ZFP2: variants seen among roughly 807,000 people sequenced by gnomAD.
ZFP2 encodes zinc finger protein ZFP2.
ZFP2 carries 33 observed loss-of-function variants against 36.1 expected under a neutral mutation model. The ratio of observed to expected loss-of-function variants is 0.92; its 90% CI spans 0.69 to 1.22. The LOEUF is 1.22. ZFP2 is among the 50% of genes most tolerant of loss of function. The probability of loss-of-function intolerance (pLI) is 0.00; values close to 1 mark genes in which losing one functional copy is unlikely to be tolerated. For synonymous variants in ZFP2, 170 were observed against 178.0 expected (o/e 0.96, Z 0.36); for missense variants, 522 against 551.4 (o/e 0.95, Z 0.53).
At chr5:178,913,858 CTTTTTTTT>C (rs1217671563) in intron 3 of ZFP2, 2 of 129,748 alleles carry the variant, frequency 1.5e-5, no homozygotes, top group African/African-American at 2.8e-5. Context: ...CTTTTTTTTT[CTTTTTTTT>C]TTTTTTTTGA....
Position 178,932,375 on chromosome 5 carries a change from T to G in ZFP2, c.1062T>G (p.Tyr354Ter), listed in dbSNP as rs765269639. ...GAATTCACACTGGAGAGAAACCTTA[T>G]GAGTGTATGGTGTGTGGAAAACATT... ...HRRIHTGEKPYECMVCGKHFT... is the reference protein window; with the variant it reads ...HRRIHTGEKP Residue 354 changes from tyrosine to a stop codon, truncating the protein, a stop_gained, in exon 5 of 5, where the codon TAT becomes TAG. Transcript: ENST00000361362. LOFTEE classifies it high-confidence loss of function. The G allele has an allele frequency of 1.2e-5, 19 of 1,614,038 alleles. No homozygotes were observed. Among genetic ancestry groups the G allele is most frequent in the Non-Finnish European group, 1.6e-5 (19 of 1,179,916 alleles).
At chr5:178,909,495 CT>C in intron 1 of ZFP2, among the ~76,000 whole-genome samples, 1 of 152,296 alleles carries the variant, frequency 6.6e-6, no homozygotes, top group Non-Finnish European at 1.5e-5. Flanking sequence ...CATTGGCCCC[CT>C]GGTCCCACTT....
intron 4 of ZFP2, among the ~76,000 whole-genome samples, chr5:178,917,049 T>G (rs1758446742): frequency 1.3e-5 from 2 of 152,226 alleles, no homozygotes; most frequent in Non-Finnish European, 2.9e-5. Flanking sequence ...TGCCAGTATT[T>G]TCATTGTAAA....
At chr5:178,918,687 C>T (rs1031790029) in intron 4 of ZFP2, among the ~76,000 whole-genome samples, 1 of 152,142 alleles carries the variant, frequency 6.6e-6, no homozygotes, top group Non-Finnish European at 1.5e-5. Flanking sequence ...AGTATTATTA[C>T]TCAAAAGTCT....
chr5:178,922,144 A>G, intron 4 of ZFP2: 1 of 1,156,974 alleles, frequency 8.6e-7, no homozygotes, highest in Non-Finnish European at 1.3e-6. Context: ...TCTTCATTCC[A>G]TCACTCTTCT....
chr5:178,905,760 C>CT (rs1408410078), intron 1 of ZFP2, among the ~76,000 whole-genome samples: 1 of 143,154 alleles, frequency 7.0e-6, no homozygotes, highest in Non-Finnish European at 1.5e-5. Context: ...TTTCTTTTTT[C>CT]TTTTTTTTGG....
In ZFP2 at chr5:178,918,072, A is replaced by G. The variant is rs1002538877; in HGVS notation, c.-78+1362A>G. Reference sequence around the variant, plus strand: ...TTTTCTCTCACCCATCATGTTCCCTATATCCATTTAAATGCTTTTATTGTT... The same window carrying G: ...TTTTCTCTCACCCATCATGTTCCCTGTATCCATTTAAATGCTTTTATTGTT... On this transcript the variant is annotated intron_variant, in intron 4 of 4. Transcript: ENST00000361362. Among the ~76,000 whole-genome samples the G allele has an allele frequency of 2.0e-5, 3 of 152,094 alleles. No homozygotes were observed. In the South Asian group the frequency reaches 6.2e-4, roughly 32 times the overall value.
At chr5:178,911,777 C>G (rs1239128920) in intron 1 of ZFP2, among the ~76,000 whole-genome samples, 1 of 152,112 alleles carries the variant, frequency 6.6e-6, no homozygotes, top group African/African-American at 2.4e-5. Flanking sequence ...TTTTCTATTG[C>G]TTTATTTCTA....
At chr5:178,917,616 A>G (rs1377066676) in intron 4 of ZFP2, among the ~76,000 whole-genome samples, 1 of 149,066 alleles carries the variant, frequency 6.7e-6, no homozygotes, top group African/African-American at 2.4e-5. Context: ...CTCCATCTCA[A>G]AAAAAAAAAA....
chr5:178,910,134 C>T (rs1758261218), intron 1 of ZFP2: 2 of 1,447,164 alleles, frequency 1.4e-6, no homozygotes, highest in East Asian at 2.3e-5. Context: ...GAACCGTGCA[C>T]AGATTCTGTC....
At chr5:178,916,161 G>A (rs368206857) in intron 3 of ZFP2, among the ~76,000 whole-genome samples, 10 of 152,132 alleles carry the variant, frequency 6.6e-5, no homozygotes, top group African/African-American at 1.7e-4. Context: ...GAACATGGTC[G>A]AAGGGAGAGA....
intron 1 of ZFP2, among the ~76,000 whole-genome samples, chr5:178,901,456 G>A (rs774971299): frequency 2.0e-5 from 3 of 152,208 alleles, no homozygotes; most frequent in Non-Finnish European, 2.9e-5. Flanking sequence ...AAACTGGTGG[G>A]GGAATCCTTC....
intron 4 of ZFP2, chr5:178,922,585 T>C: frequency 6.4e-7 from 1 of 1,552,214 alleles, no homozygotes; most frequent in South Asian, 1.1e-5. Context: ...GTCCTATTCC[T>C]TGACAGGGCA....
In ZFP2 at chr5:178,932,077, T is replaced by G. The variant is rs747980769; in HGVS notation, c.764T>G (p.Met255Arg). Residue 255 changes from methionine to arginine, a missense_variant, in exon 5 of 5, where the codon ATG (methionine) becomes AGG (arginine). Met to Arg is a moderately conservative substitution (Grantham distance 91). Coordinates refer to ENST00000361362, the MANE Select transcript of ZFP2 (RefSeq NM_030613.4). ...NECGKAFSQSMHLIVHQRSHT... is the reference protein window; with the variant it reads ...NECGKAFSQSRHLIVHQRSHT... ...TGTGGAAAAGCCTTCAGTCAAAGCA[T>G]GCATCTTATTGTACATCAGAGAAGC... 16 of 1,613,814 alleles carry G rather than the reference T, an allele frequency of 9.9e-6. No homozygotes were observed. The Admixed American group carries it at 2.5e-4, about 25-fold the overall frequency.
At chr5:178,917,704 G>T (rs1393320192) in intron 4 of ZFP2, among the ~76,000 whole-genome samples, 1 of 152,064 alleles carries the variant, frequency 6.6e-6, no homozygotes, top group African/African-American at 2.4e-5. Flanking sequence ...TACATATATA[G>T]AGAAACATAC....
At chr5:178,896,846 C>T (rs1033171071) in intron 1 of ZFP2, among the ~76,000 whole-genome samples, 7 of 152,068 alleles carry the variant, frequency 4.6e-5, no homozygotes, top group Non-Finnish European at 7.4e-5. Flanking sequence ...AAATCTTAAG[C>T]CTTGTAATTT....
At chr5:178,928,754 G>A (rs572599611) in intron 4 of ZFP2, among the ~76,000 whole-genome samples, 27 of 152,196 alleles carry the variant, frequency 1.8e-4, no homozygotes, top group Non-Finnish European at 3.4e-4. Flanking sequence ...GGAGGGCAGT[G>A]GCCCTCTTCT....
At chr5:178,910,142 G>T in intron 1 of ZFP2, 1 of 1,444,932 alleles carries the variant, frequency 6.9e-7, no homozygotes, top group Non-Finnish European at 9.7e-7. Context: ...CACAGATTCT[G>T]TCACTGCTGT....
In ZFP2 at chr5:178,930,314, C is replaced by CTTT. The variant is rs990713790; in HGVS notation, c.-77-901_-77-899dup. On this transcript the variant is annotated intron_variant, in intron 4 of 4. Transcript: ENST00000361362. ...ATTTCTTTCTTTTTTTTTCCCTTTC[C>CTTT]TTTTTTTTTTTTTTTTTTTTTTTTG... Among the ~76,000 whole-genome samples, 249 of 71,384 alleles carry CTTT rather than the reference C, an allele frequency of 3.5e-3. 3 individuals carry two copies. The highest frequency in any genetic ancestry group is 8.7e-3 in the East Asian group (19 of 2,186). 46.8% of individuals were successfully genotyped at this position (71,384 alleles called of 152,430 possible). A position where few individuals can be genotyped will look rare whatever the true frequency, so the allele number is the denominator to read the frequency against.
Sources: allele counts gnomAD v4.1 joint callset (sites outside exome capture counted in the v4.1 genomes callset), GRCh38; gene constraint gnomAD v4.1.1; transcripts MANE v1.5; gene names NCBI Gene and HGNC (gene_info 2026-07-23, HGNC 2026-07-21).